CYRIB: variants seen among roughly 807,000 people sequenced by gnomAD.
CYRIB encodes CYFIP-related Rac1 interactor B.
A neutral mutation model predicts 44.2 loss-of-function variants in CYRIB; 8 were observed. The ratio of observed to expected loss-of-function variants is 0.18; its 90% CI spans 0.11 to 0.33. The LOEUF (loss-of-function observed/expected upper bound fraction) is 0.33, where lower values mean the gene tolerates loss of function less well. Among genes scored for constraint, CYRIB ranks in the 10% least tolerant of loss-of-function variants. CYRIB has a pLI of 1.00. For synonymous variants in CYRIB, 131 were observed against 127.2 expected (o/e 1.03, Z -0.20); for missense variants, 185 against 382.8 (o/e 0.48, Z 4.31).
At chr8:129,922,844 C>T (rs1045959015) in intron 1 of CYRIB, among the ~76,000 whole-genome samples, 8 of 150,010 alleles carry the variant, frequency 5.3e-5, no homozygotes, top group African/African-American at 2.0e-4. Flanking sequence ...GCCTGGGCGA[C>T]AGAGTGAGAC....
At chr8:129,909,979 C>A (rs1161339049) in intron 1 of CYRIB, among the ~76,000 whole-genome samples, 1 of 152,228 alleles carries the variant, frequency 6.6e-6, no homozygotes, top group Non-Finnish European at 1.5e-5. Flanking sequence ...GAGTGGTGGG[C>A]AAGTTAGCGA....
At chr8:129,850,602 G>A (rs972220430) in intron 9 of CYRIB, 2 of 516,242 alleles carry the variant, frequency 3.9e-6, no homozygotes, top group African/African-American at 2.0e-5. Flanking sequence ...GAGTCAGTCT[G>A]AGTGGTCTGA....
At chr8:129,939,186 G>C (rs2093346785) in intron 1 of CYRIB, among the ~76,000 whole-genome samples, 1 of 152,024 alleles carries the variant, frequency 6.6e-6, no homozygotes, top group Non-Finnish European at 1.5e-5. Flanking sequence ...GACGGGAACA[G>C]GGGATGAGGA....
At chr8:129,958,506 A>G (rs2095017524) in intron 2 of CYRIB, among the ~76,000 whole-genome samples, 1 of 152,184 alleles carries the variant, frequency 6.6e-6, no homozygotes, top group Admixed American at 6.6e-5. Context: ...TGAAGGCACA[A>G]GTTAACATGG....
At chr8:129,868,143 T>C (rs1049574399) in intron 4 of CYRIB, among the ~76,000 whole-genome samples, 4 of 152,244 alleles carry the variant, frequency 2.6e-5, no homozygotes, top group African/African-American at 7.2e-5. Context: ...CAGTTATTTG[T>C]ATATTTGGTG....
intron 1 of CYRIB, among the ~76,000 whole-genome samples, chr8:129,925,956 CTT>C (rs968122176): frequency 1.3e-5 from 2 of 152,192 alleles, no homozygotes; most frequent in Non-Finnish European, 2.9e-5. Flanking sequence ...GTCAAAAACT[CTT>C]TTCCAACTTC....
At chr8:129,974,537 G>T (rs1346122017) in intron 1 of CYRIB, among the ~76,000 whole-genome samples, 2 of 151,984 alleles carry the variant, frequency 1.3e-5, no homozygotes, top group Non-Finnish European at 2.9e-5. Context: ...ATATATTTTT[G>T]ATTATGGATC....
chr8:129,945,576 T>G (rs1315084308), intron 2 of CYRIB, among the ~76,000 whole-genome samples: 1 of 152,016 alleles, frequency 6.6e-6, no homozygotes, highest in African/African-American at 2.4e-5. Flanking sequence ...TTTTATTTAT[T>G]TATCTATTTG....
chr8:129,993,320 G>A (rs1330450764), intron 1 of CYRIB, among the ~76,000 whole-genome samples: 2 of 148,762 alleles, frequency 1.3e-5, no homozygotes, highest in Admixed American at 6.7e-5. Flanking sequence ...TTGAACCCAG[G>A]AGGCAGAGGT....
chr8:129,939,125 G>A (rs974680363), intron 1 of CYRIB, among the ~76,000 whole-genome samples: 20 of 152,070 alleles, frequency 1.3e-4, no homozygotes, highest in Non-Finnish European at 1.3e-4. Flanking sequence ...AGGGCTGGGT[G>A]TCGAGGCGAG....
At chr8:129,872,483 T>C (rs944441334) in intron 3 of CYRIB, among the ~76,000 whole-genome samples, 1 of 152,100 alleles carries the variant, frequency 6.6e-6, no homozygotes, top group Non-Finnish European at 1.5e-5. Flanking sequence ...TGGTCATTTG[T>C]TTCTCTAAGG....
At chr8:129,878,176 C>T (rs114145456) in intron 3 of CYRIB, among the ~76,000 whole-genome samples, 2,326 of 152,284 alleles carry the variant, frequency 0.015, 69 homozygotes, top group African/African-American at 0.053. Flanking sequence ...TCACATGGAC[C>T]TGATATTGAT....
chr8:129,920,693 T>G (rs2083092977), intron 1 of CYRIB, among the ~76,000 whole-genome samples: 2 of 152,116 alleles, frequency 1.3e-5, no homozygotes. Flanking sequence ...ACTCATAACA[T>G]CCTGGATGTT....
intron 2 of CYRIB, among the ~76,000 whole-genome samples, chr8:129,967,673 C>T (rs1004279187): frequency 1.3e-5 from 2 of 152,172 alleles, no homozygotes; most frequent in Non-Finnish European, 2.9e-5. Flanking sequence ...GCCACCGTGC[C>T]CGGCTTTCTT....
In CYRIB at chr8:130,006,637, T is replaced by A. The variant is rs1487046249; in HGVS notation, c.-296+9733A>T. 6.2e-5 allele frequency among the ~76,000 whole-genome samples: 8 copies of A among 128,774 alleles called. 1 individual carries two copies. Among genetic ancestry groups the A allele is most frequent in the Non-Finnish European group, 1.2e-4 (7 of 60,294 alleles). 84.5% of individuals were successfully genotyped at this position (128,774 alleles called of 152,430 possible). On this transcript the variant is annotated intron_variant, in intron 1 of 14. Coordinates refer to the CYRIB transcript ENST00000401979. The stretch of plus-strand genomic sequence containing the variant: ...ATATGTGTATATATATACATATATA[T>A]GTGTATATATATACATATATATATG...
chr8:129,957,244 T>C (rs1413754127), intron 2 of CYRIB, among the ~76,000 whole-genome samples: 1 of 152,172 alleles, frequency 6.6e-6, no homozygotes, highest in Non-Finnish European at 1.5e-5. Context: ...CAGGTAAAGT[T>C]TGCCTGGCCC....
At chr8:129,974,267 G>A (rs2095830044) in intron 1 of CYRIB, among the ~76,000 whole-genome samples, 1 of 152,182 alleles carries the variant, frequency 6.6e-6, no homozygotes, top group South Asian at 2.1e-4. Flanking sequence ...CTTGCCCAAG[G>A]TCTCTCAGCA....
At chr8:129,956,990 G>C (rs1306248971) in intron 2 of CYRIB, among the ~76,000 whole-genome samples, 2 of 151,710 alleles carry the variant, frequency 1.3e-5, no homozygotes, top group Non-Finnish European at 2.9e-5. Flanking sequence ...AGACACACAC[G>C]ACTGTGCCTG....
chr8:129,912,664 A>AT (rs1160743911), intron 1 of CYRIB: 2 of 151,902 alleles, frequency 1.3e-5, no homozygotes, highest in Admixed American at 6.6e-5. Context: ...CTTTATTTTT[A>AT]TTTTTTTATT....
Sources: gnomAD v4.1 joint callset for allele counts (sites outside exome capture counted in the v4.1 genomes callset) on GRCh38, gnomAD v4.1.1 for gene constraint, MANE v1.5 for transcripts, NCBI Gene and HGNC (gene_info 2026-07-23, HGNC 2026-07-21) for gene names.